The following EFCAB13 variants were observed in gnomAD, a reference collection of about 807,000 sequenced individuals.
EFCAB13 encodes the protein EF-hand calcium-binding domain-containing protein 13.
In EFCAB13, 91 loss-of-function variants were observed where a neutral mutation model predicts 110.2. The ratio of observed to expected loss-of-function variants is 0.83; its 90% confidence interval spans 0.70 to 0.98. The LOEUF (loss-of-function observed/expected upper bound fraction) is 0.98, where lower values mean the gene tolerates loss of function less well. Among genes scored for constraint, EFCAB13 ranks in the 50% least tolerant of loss-of-function variants. The pLI is 0.00. For missense variants in EFCAB13, 968 were observed against 1,119.4 expected, an observed-to-expected ratio of 0.86 and a Z score of 1.93; for synonymous variants, 323 against 369.9, an observed-to-expected ratio of 0.87 and a Z score of 1.45.
At chr17:47,402,848 G>C (rs2065785967) in intron 18 of EFCAB13, among the ~76,000 whole-genome samples, 1 of 152,200 alleles carries the variant, frequency 6.6e-6, no homozygotes, top group Admixed American at 6.5e-5. Flanking sequence ...CCTCATGGGA[G>C]AGGGATAAGG....
chr17:47,374,879 C>A lies in EFCAB13; in HGVS notation c.1285C>A (p.Pro429Thr), dbSNP rs1385046394. The A allele has an allele frequency of 1.2e-6, 2 of 1,611,160 alleles. No homozygotes were observed. Among genetic ancestry groups the A allele is most frequent in the Non-Finnish European group, 8.5e-7 (1 of 1,179,254 alleles). Residue 429 changes from proline (P) to threonine (T), a missense_variant, in exon 12 of 25, where the codon CCA becomes ACA. Transcript: ENST00000331493. Reference protein sequence around the residue: ...SLDKSDISSIPKLQKPAVRKH... With the variant: ...SLDKSDISSITKLQKPAVRKH... Reference sequence around the variant, plus strand: ...GGATAAAAGTGATATTTCTAGTATCCCAAAACTTCAGAAGCCAGCTGTAAG... The same window carrying A: ...GGATAAAAGTGATATTTCTAGTATCACAAAACTTCAGAAGCCAGCTGTAAG...
intron 4 of EFCAB13, among the ~76,000 whole-genome samples, chr17:47,334,714 G>A (rs184857838): frequency 5.1e-4 from 78 of 152,056 alleles, no homozygotes; most frequent in South Asian, 4.2e-4. Context: ...TCAGAAGTTC[G>A]AGACCAGCCT....
intron 14 of EFCAB13, among the ~76,000 whole-genome samples, chr17:47,385,472 G>C (rs1365274490): frequency 6.6e-6 from 1 of 151,756 alleles, no homozygotes; most frequent in Non-Finnish European, 1.5e-5. Context: ...TGAAGTTCTT[G>C]TGCCGTGTTT....
chr17:47,361,564 C>T, intron 10 of EFCAB13, 43 bp downstream of exon 10: 5 of 1,486,344 alleles, frequency 3.4e-6, no homozygotes, highest in Non-Finnish European at 4.6e-6. Flanking sequence ...TATATATGTG[C>T]ATATATTTAT....
intron 10 of EFCAB13, among the ~76,000 whole-genome samples, chr17:47,362,073 G>A (rs747710320): frequency 6.6e-6 from 1 of 151,902 alleles, no homozygotes; most frequent in South Asian, 2.1e-4. Context: ...TATTGTGGGC[G>A]GCAAGCCAAC....
At chr17:47,432,398 A>AT (rs1905133657) in intron 24 of EFCAB13, among the ~76,000 whole-genome samples, 2 of 131,826 alleles carry the variant, frequency 1.5e-5, no homozygotes, top group African/African-American at 6.3e-5. Context: ...AATCCATCTC[A>AT]AAAATAAATA....
At chr17:47,397,603 T>C (rs1334095253) in intron 17 of EFCAB13, among the ~76,000 whole-genome samples, 1 of 149,762 alleles carries the variant, frequency 6.7e-6, no homozygotes, top group Non-Finnish European at 1.5e-5. Context: ...ATCTAGGAAG[T>C]GAGGAGCGTC....
At chr17:47,356,993 G>A (rs899724860) in intron 9 of EFCAB13, among the ~76,000 whole-genome samples, 19 of 152,164 alleles carry the variant, frequency 1.2e-4, no homozygotes, top group African/African-American at 4.1e-4. Flanking sequence ...CTGACAGGTC[G>A]CCAGGGAAGT....
chr17:47,349,649 T>C (rs2065437027), intron 9 of EFCAB13, among the ~76,000 whole-genome samples: 1 of 152,118 alleles, frequency 6.6e-6, no homozygotes, highest in Non-Finnish European at 1.5e-5. Context: ...TTAGTGAGTT[T>C]GCTAATAATG....
intron 10 of EFCAB13, among the ~76,000 whole-genome samples, chr17:47,366,431 A>T (rs535804911): frequency 1.3e-5 from 2 of 152,076 alleles, no homozygotes; most frequent in Non-Finnish European, 2.9e-5. Flanking sequence ...CTACCTGAAG[A>T]TTACAGAAAT....
At chr17:47,420,759 C>A (rs1166292312) in intron 23 of EFCAB13, among the ~76,000 whole-genome samples, 1 of 151,922 alleles carries the variant, frequency 6.6e-6, no homozygotes, top group African/African-American at 2.4e-5. Context: ...GGCAGCCACC[C>A]CGTCTGGGAA....
intron 5 of EFCAB13, among the ~76,000 whole-genome samples, chr17:47,336,340 G>A (rs1176054290): frequency 6.6e-6 from 1 of 150,554 alleles, no homozygotes; most frequent in African/African-American, 2.4e-5. Context: ...TGCCCAGGCT[G>A]GAGTGTAGTG....
At chr17:47,407,784 G>T (rs2065812958) in intron 20 of EFCAB13, among the ~76,000 whole-genome samples, 1 of 152,030 alleles carries the variant, frequency 6.6e-6, no homozygotes, top group Non-Finnish European at 1.5e-5. Flanking sequence ...ATTTAGGGAG[G>T]TCAGCCATGG....
At chr17:47,335,380 C>T (rs754091267) in intron 5 of EFCAB13, 24 bp downstream of exon 5, 2 of 1,558,354 alleles carry the variant, frequency 1.3e-6, no homozygotes, top group East Asian at 2.3e-5. Context: ...TCTGAACTTA[C>T]TTTATTGAAT....
At chr17:47,332,523 C>T (rs972600572) in intron 4 of EFCAB13, among the ~76,000 whole-genome samples, 2 of 152,130 alleles carry the variant, frequency 1.3e-5, no homozygotes, top group African/African-American at 4.8e-5. Context: ...AAACTCTGTG[C>T]CCTTTGATCA....
At chr17:47,419,525 C>T (rs536187372) in intron 23 of EFCAB13, among the ~76,000 whole-genome samples, 127 of 152,294 alleles carry the variant, frequency 8.3e-4, no homozygotes, top group African/African-American at 2.7e-3. Context: ...CCACAGTGAG[C>T]TGTGATCACG....
chr17:47,414,992 G>C, intron 23 of EFCAB13, 73 bp downstream of exon 23: 1 of 1,090,152 alleles, frequency 9.2e-7, no homozygotes. Flanking sequence ...AAAATGAAAG[G>C]TCCAACAGTG....
chr17:47,347,384 A>C (rs1567783515), intron 8 of EFCAB13, among the ~76,000 whole-genome samples: 1 of 152,106 alleles, frequency 6.6e-6, no homozygotes, highest in African/African-American at 2.4e-5. Flanking sequence ...TTTTTTTGAG[A>C]ATTTCTTAAT....
At chr17:47,344,483 A>G (rs1048041819) in intron 7 of EFCAB13, among the ~76,000 whole-genome samples, 191 bp downstream of exon 7, 7 of 152,012 alleles carry the variant, frequency 4.6e-5, no homozygotes, top group Non-Finnish European at 8.8e-5. Flanking sequence ...TTGACCTAAC[A>G]TGCTTAGACT....
Sources: gnomAD v4.1 joint callset for allele counts (sites outside exome capture counted in the v4.1 genomes callset) on GRCh38, gnomAD v4.1.1 for gene constraint, MANE v1.5 for transcripts, NCBI Gene and HGNC (gene_info 2026-07-23, HGNC 2026-07-21) for gene names.